FGF9: variants seen among roughly 807,000 people sequenced by gnomAD.
FGF9 encodes fibroblast growth factor 9, also known as fibroblast growth factor 9 (glia-activating factor).
Under a neutral mutation model 19.9 loss-of-function variants are expected in FGF9, and 3 were observed. The observed-to-expected ratio is 0.15, with a 90% CI of 0.07 to 0.39. The LOEUF (loss-of-function observed/expected upper bound fraction) is 0.39, where lower values mean the gene tolerates loss of function less well. Among genes scored for constraint, FGF9 ranks in the 10% least tolerant of loss-of-function variants. The pLI is 1.00. For synonymous variants in FGF9, 107 were observed against 106.9 expected (o/e 1.00, Z -0.01); for missense variants, 175 against 256.8 (o/e 0.68, Z 2.18).
Position 21,703,423 on chromosome 13 carries a change from A to G in FGF9, c.*1988A>G, listed in dbSNP as rs1872590028. The G allele has an allele frequency of 6.6e-6, 1 of 152,208 alleles. No homozygotes were observed. Among genetic ancestry groups the G allele is most frequent in the Non-Finnish European group, 1.5e-5 (1 of 68,046 alleles). The allele number at this position is 152,208 out of a possible 1,614,324, so 9.4% of individuals were successfully genotyped here. Reference sequence around the variant, plus strand: ...AAATCTAAGTCTAATATTTGGAATTAAGATATATTTTAGGGGGAGGGGACA... The same window carrying G: ...AAATCTAAGTCTAATATTTGGAATTGAGATATATTTTAGGGGGAGGGGACA... On this transcript the variant is annotated 3_prime_UTR_variant, in exon 3 of 3. Transcript: ENST00000382353.
intron 2 of FGF9, among the ~76,000 whole-genome samples, chr13:21,693,222 G>A (rs1872331426): frequency 6.6e-6 from 1 of 152,198 alleles, no homozygotes; most frequent in Non-Finnish European, 1.5e-5. Context: ...TCTATCAAAA[G>A]GTGGTGTCAG....
At chr13:21,698,536 G>T (rs560242931) in intron 2 of FGF9, among the ~76,000 whole-genome samples, 4 of 152,304 alleles carry the variant, frequency 2.6e-5, no homozygotes, top group Non-Finnish European at 5.9e-5. Context: ...AAGCCCTGCA[G>T]CTAGTGACGG....
At chr13:21,680,529 C>T (rs1395719496) in intron 1 of FGF9, among the ~76,000 whole-genome samples, 2 of 151,834 alleles carry the variant, frequency 1.3e-5, no homozygotes, top group African/African-American at 2.4e-5. Context: ...AAGCAAGATA[C>T]TCACACACAG....
intron 2 of FGF9, among the ~76,000 whole-genome samples, chr13:21,694,112 A>G (rs1484585905): frequency 3.3e-5 from 5 of 151,764 alleles, no homozygotes; most frequent in Admixed American, 6.6e-5. Flanking sequence ...CAATTTTTTC[A>G]TTTTTACAGA....
intron 2 of FGF9, among the ~76,000 whole-genome samples, chr13:21,697,038 T>G (rs1016246697): frequency 6.6e-6 from 1 of 152,242 alleles, no homozygotes; most frequent in African/African-American, 2.4e-5. Flanking sequence ...AATGTCATGT[T>G]TGCACAATCT....
rs1871765034 is a variant in FGF9 at position 21,671,480 on chromosome 13, G to A, written c.-433G>A. 1 of 455,764 alleles carries A rather than the reference G, an allele frequency of 2.2e-6. No individual in the cohort carries two copies. Among genetic ancestry groups the A allele is most frequent in the South Asian group, 6.1e-5 (1 of 16,288 alleles). The allele number at this position is 455,764 out of a possible 1,614,324, so 28.2% of individuals were successfully genotyped here. ...GTCAGGATCCGTAAATTCTGACGTAGCCCGTGCATCTTAAAAATCCCTATA... is the reference window on the plus strand; with the variant it reads ...GTCAGGATCCGTAAATTCTGACGTAACCCGTGCATCTTAAAAATCCCTATA... On this transcript the variant is annotated 5_prime_UTR_variant, in exon 1 of 3. Transcript: ENST00000382353.
intron 1 of FGF9, among the ~76,000 whole-genome samples, chr13:21,675,640 T>G (rs1014456552): frequency 2.0e-5 from 3 of 152,210 alleles, no homozygotes; most frequent in African/African-American, 7.2e-5. Flanking sequence ...GAGTTCGTCC[T>G]CACACTCAGT....
chr13:21,701,721 G>T lies in FGF9; in HGVS notation c.*286G>T. The T allele has an allele frequency of 2.5e-6, 1 of 406,534 alleles. No homozygotes were observed. The highest frequency in any genetic ancestry group is 4.6e-6 in the Non-Finnish European group (1 of 215,170). 25.2% of individuals were successfully genotyped at this position (406,534 alleles called of 1,614,324 possible). ...TAGGAGTGTGTGTATGTGTGTGTGT[G>T]TGTGTGTGTGTGTGTGTGTATGTGT... On this transcript the variant is annotated 3_prime_UTR_variant, in exon 3 of 3. Transcript: ENST00000382353.
At chr13:21,678,361 T>G (rs1256576049) in intron 1 of FGF9, among the ~76,000 whole-genome samples, 9 of 152,150 alleles carry the variant, frequency 5.9e-5, no homozygotes. Flanking sequence ...GGAAATAGGT[T>G]TTGGAGTCCA....
At chr13:21,683,755 AACGTCTTC>A (rs1381776460) in intron 2 of FGF9, among the ~76,000 whole-genome samples, 2 of 152,204 alleles carry the variant, frequency 1.3e-5, no homozygotes, top group Non-Finnish European at 1.5e-5. Flanking sequence ...TCCTTGCGGA[AACGTCTTC>A]AGCTGCTTCC....
At chr13:21,678,466 G>T (rs1317814594) in intron 1 of FGF9, among the ~76,000 whole-genome samples, 1 of 152,098 alleles carries the variant, frequency 6.6e-6, no homozygotes, top group Non-Finnish European at 1.5e-5. Flanking sequence ...GTTGTTCTGG[G>T]GATTAAATGA....
At chr13:21,695,830 T>C (rs1213639753) in intron 2 of FGF9, among the ~76,000 whole-genome samples, 1 of 152,228 alleles carries the variant, frequency 6.6e-6, no homozygotes, top group African/African-American at 2.4e-5. Flanking sequence ...AGTCAATGTC[T>C]GTACAGTCAC....
At position 21,681,164 on chromosome 13, in the gene FGF9, T is replaced by G; in HGVS notation, c.381+19T>G. 2 of 1,503,524 alleles carry G rather than the reference T, an allele frequency of 1.3e-6. No individual in the cohort carries two copies. The highest frequency in any genetic ancestry group is 1.9e-6 in the Non-Finnish European group (2 of 1,079,338). 93.1% of individuals were successfully genotyped at this position (1,503,524 alleles called of 1,614,324 possible). A position where few individuals can be genotyped will look rare whatever the true frequency, so the allele number is the denominator to read the frequency against. On this transcript the variant is annotated intron_variant, in intron 2 of 2. Coordinates refer to ENST00000382353, the MANE Select transcript of FGF9 (RefSeq NM_002010.3). ...TGGATCAGTAAGTACTGGAGGGACT[T>G]CATCCAGCTTTATCTCCATGTTTGA...
chr13:21,684,991 A>T (rs1428228119), intron 2 of FGF9, among the ~76,000 whole-genome samples: 1 of 152,186 alleles, frequency 6.6e-6, no homozygotes, highest in Admixed American at 6.5e-5. Flanking sequence ...CTGGAATCTC[A>T]TATTTCCCAC....
chr13:21,680,924 G>A (rs1872027353), intron 1 of FGF9, 118 bp from the exon 2 acceptor site: 2 of 729,614 alleles, frequency 2.7e-6, no homozygotes, highest in East Asian at 2.5e-5. Flanking sequence ...AACTAGCGTG[G>A]GGTTATCCAA....
chr13:21,689,287 T>G (rs1472134611), intron 2 of FGF9, among the ~76,000 whole-genome samples: 1 of 152,204 alleles, frequency 6.6e-6, no homozygotes, highest in Non-Finnish European at 1.5e-5. Context: ...CAGATGCCTA[T>G]TAAAGCTGCC....
intron 1 of FGF9, among the ~76,000 whole-genome samples, chr13:21,675,466 G>A (rs1448230538): frequency 6.6e-6 from 1 of 151,928 alleles, no homozygotes; most frequent in Non-Finnish European, 1.5e-5. Context: ...CGCGGCTCGC[G>A]CGGGGAGGGC....
At chr13:21,697,373 C>T (rs556259801) in intron 2 of FGF9, among the ~76,000 whole-genome samples, 1 of 152,266 alleles carries the variant, frequency 6.6e-6, no homozygotes, top group Non-Finnish European at 1.5e-5. Context: ...TCTTGAACCC[C>T]TGGCCTCAAG....
Position 21,702,727 on chromosome 13 carries a change from T to C in FGF9, c.*1292T>C, listed in dbSNP as rs932948820. On this transcript the variant is annotated 3_prime_UTR_variant, in exon 3 of 3. Transcript: ENST00000382353. The stretch of plus-strand genomic sequence containing the variant: ...TGAAATTATAGAAGTATCATAGGGG[T>C]CATTGTAACATCTTTTAGAGAAAAT... 3 of 152,164 alleles carry C rather than the reference T, an allele frequency of 2.0e-5. No homozygotes were observed. The highest frequency in any genetic ancestry group is 7.2e-5 in the African/African-American group (3 of 41,434). The allele number at this position is 152,164 out of a possible 1,614,324, so 9.4% of individuals were successfully genotyped here.
Sources: allele counts gnomAD v4.1 joint callset (sites outside exome capture counted in the v4.1 genomes callset), GRCh38; gene constraint gnomAD v4.1.1; transcripts MANE v1.5; gene names NCBI Gene and HGNC (gene_info 2026-07-23, HGNC 2026-07-21).